EXT2: variants seen among roughly 807,000 people sequenced by gnomAD.
EXT2 encodes the protein exostosin-2.
In EXT2, 53 loss-of-function variants were observed where a neutral mutation model predicts 81.6. That is an observed-to-expected ratio of 0.65 (90% CI 0.52 to 0.82). The LOEUF is 0.82. EXT2 is among the 40% of genes least tolerant of loss of function. The probability of loss-of-function intolerance (pLI) is 0.00; values close to 1 mark genes in which losing one functional copy is unlikely to be tolerated. For missense variants in EXT2, 774 were observed against 910.2 expected (o/e 0.85, Z 1.93); for synonymous variants, 320 against 340.0 (o/e 0.94, Z 0.65).
chr11:44,096,647 G>A (rs1028427045), intron 1 of EXT2, among the ~76,000 whole-genome samples: 3 of 152,226 alleles, frequency 2.0e-5, no homozygotes, highest in East Asian at 3.8e-4. Flanking sequence ...GTGGCCAGAA[G>A]CACACTGGCT....
intron 6 of EXT2, among the ~76,000 whole-genome samples, 197 bp from the exon 7 acceptor site, chr11:44,129,848 G>A (rs962955404): frequency 3.5e-4 from 54 of 152,146 alleles, no homozygotes; most frequent in Non-Finnish European, 6.2e-4. Flanking sequence ...GTAAAAAAAT[G>A]GAGCTGTAAG....
chr11:44,233,054 C>A (rs1391645352), intron 11 of EXT2, among the ~76,000 whole-genome samples: 2 of 152,010 alleles, frequency 1.3e-5, no homozygotes, highest in Non-Finnish European at 2.9e-5. Context: ...TACTCATGAC[C>A]ATTGTGATAG....
chr11:44,226,070 T>A (rs2135246802), intron 10 of EXT2, among the ~76,000 whole-genome samples: 1 of 152,336 alleles, frequency 6.6e-6, no homozygotes, highest in Non-Finnish European at 1.5e-5. Context: ...CAGATTTTTT[T>A]ATCAACTATG....
intron 7 of EXT2, among the ~76,000 whole-genome samples, chr11:44,158,377 T>C (rs1442898411): frequency 6.6e-6 from 1 of 152,220 alleles, no homozygotes; most frequent in Non-Finnish European, 1.5e-5. Context: ...TGTGATCATC[T>C]GGAACAAACT....
chr11:44,159,684 T>G (rs1472893813), intron 7 of EXT2, among the ~76,000 whole-genome samples: 1 of 152,244 alleles, frequency 6.6e-6, no homozygotes, highest in South Asian at 2.1e-4. Flanking sequence ...TGTTTTTGCT[T>G]TTCAATATGC....
chr11:44,175,023 C>A (rs909786009), intron 8 of EXT2, among the ~76,000 whole-genome samples: 1 of 152,174 alleles, frequency 6.6e-6, no homozygotes, highest in Non-Finnish European at 1.5e-5. Flanking sequence ...CTGTGAGAAA[C>A]AAGTGATCAC....
intron 4 of EXT2, among the ~76,000 whole-genome samples, chr11:44,117,595 AC>A (rs1456948442): frequency 6.6e-6 from 1 of 152,054 alleles, no homozygotes; most frequent in East Asian, 1.9e-4. Context: ...TGGTCTTGGT[AC>A]CCTTGTTAAA....
chr11:44,236,192 A>G, intron 12 of EXT2, 101 bp from the exon 13 acceptor site: 4 of 1,035,272 alleles, frequency 3.9e-6, no homozygotes, highest in South Asian at 1.3e-5. Flanking sequence ...CGCATGCAAC[A>G]TCTCAGCTTA....
At chr11:44,205,091 G>A (rs1351060446) in intron 9 of EXT2, among the ~76,000 whole-genome samples, 1 of 152,148 alleles carries the variant, frequency 6.6e-6, no homozygotes, top group Non-Finnish European at 1.5e-5. Flanking sequence ...TCAAATACTA[G>A]CCTTATCATT....
intron 4 of EXT2, among the ~76,000 whole-genome samples, chr11:44,119,169 T>TATATATATATATATATATATATATACAC (rs1192115471): frequency 4.8e-5 from 3 of 63,148 alleles, no homozygotes; most frequent in Non-Finnish European, 9.4e-5. Context: ...TATATATATA[T>TATATATATATATATATATATATATACAC]ACACATACAC....
At position 44,167,970 on chromosome 11, in the gene EXT2, A is replaced by G. The variant is rs1196626818; in HGVS notation, c.1174-3641A>G. ...CCAATGCTATCCCTCCCCCCTCCCC[A>G]CTCCCCCGACCCCACAACAGTCCCC... On this transcript the variant is annotated intron_variant, in intron 7 of 13. Transcript: ENST00000533608. Among the ~76,000 whole-genome samples the G allele has an allele frequency of 1.1e-4, 4 of 36,546 alleles. No homozygotes were observed. In the East Asian group the frequency reaches 3.6e-3, roughly 33 times the overall value. The allele number at this position is 36,546 out of a possible 152,430, so 24.0% of individuals were successfully genotyped here.
chr11:44,122,686 T>G (rs1343663551), intron 4 of EXT2, among the ~76,000 whole-genome samples: 1 of 152,086 alleles, frequency 6.6e-6, no homozygotes, highest in Admixed American at 6.6e-5. Flanking sequence ...CCCTGCTGGG[T>G]TGCTGTTGTA....
intron 10 of EXT2, among the ~76,000 whole-genome samples, chr11:44,221,855 C>G (rs1955785262): frequency 1.3e-5 from 2 of 152,160 alleles, no homozygotes; most frequent in Admixed American, 6.5e-5. Context: ...GAGTTTCAGG[C>G]AGTGGTTGGT....
chr11:44,096,926 G>C (rs1953906590), intron 1 of EXT2, among the ~76,000 whole-genome samples: 1 of 152,150 alleles, frequency 6.6e-6, no homozygotes, highest in African/African-American at 2.4e-5. Context: ...GAACTCAAAG[G>C]CTATTCACTG....
intron 8 of EXT2, among the ~76,000 whole-genome samples, chr11:44,178,739 GC>G (rs987789604): frequency 3.3e-5 from 5 of 151,832 alleles, no homozygotes; most frequent in African/African-American, 1.2e-4. Flanking sequence ...AGCCTACCCT[GC>G]CCCCCAGGAG....
chr11:44,123,204 A>G (rs1323312234), intron 4 of EXT2, among the ~76,000 whole-genome samples: 1 of 152,194 alleles, frequency 6.6e-6, no homozygotes, highest in Non-Finnish European at 1.5e-5. Context: ...CAGTTAGAGT[A>G]TAATTATTGA....
chr11:44,171,789 A>AG (rs1265446324), intron 8 of EXT2, 47 bp downstream of exon 8: 1 of 1,612,286 alleles, frequency 6.2e-7, no homozygotes, highest in Non-Finnish European at 8.5e-7. Context: ...TCCAGCTGTC[A>AG]GGGTGGGTGG....
In EXT2 at chr11:44,108,392, G is replaced by C; in HGVS notation, c.536+144G>C. 3 of 903,102 alleles carry C rather than the reference G, an allele frequency of 3.3e-6. No individual in the cohort carries two copies. The South Asian group carries it at 4.3e-5, about 13-fold the overall frequency. 55.9% of individuals were successfully genotyped at this position (903,102 alleles called of 1,614,324 possible). A position where few individuals can be genotyped will look rare whatever the true frequency, so the allele number is the denominator to read the frequency against. ...CTTGCAGGACGGGGTGTGTTGGAGG[G>C]ACTGACTTGCAGCATGAGGCCTGTG... On this transcript the variant is annotated intron_variant, in intron 2 of 13. Transcript: ENST00000533608.
chr11:44,204,730 C>T (rs111423994), intron 9 of EXT2, among the ~76,000 whole-genome samples: 9 of 152,272 alleles, frequency 5.9e-5, no homozygotes, highest in African/African-American at 1.9e-4. Flanking sequence ...ACGCCCCTTA[C>T]GAGAATCTAA....
Sources: gnomAD v4.1 joint callset for allele counts (sites outside exome capture counted in the v4.1 genomes callset) on GRCh38, gnomAD v4.1.1 for gene constraint, MANE v1.5 for transcripts, NCBI Gene and HGNC (gene_info 2026-07-23, HGNC 2026-07-21) for gene names.